MTFMT: variants seen among roughly 807,000 people sequenced by gnomAD.
The protein encoded by MTFMT is methionyl-tRNA formyltransferase, mitochondrial.
Under a neutral mutation model 51.8 loss-of-function variants are expected in MTFMT, and 47 were observed. That is an observed-to-expected ratio of 0.91 (90% confidence interval 0.72 to 1.16). The LOEUF (loss-of-function observed/expected upper bound fraction) is 1.16, where lower values mean the gene tolerates loss of function less well. Ranked by LOEUF, MTFMT falls within the 50% of genes most tolerant of loss-of-function variation. The probability of loss-of-function intolerance (pLI) is 0.00; values close to 1 mark genes in which losing one functional copy is unlikely to be tolerated. For missense variants in MTFMT, 512 were observed against 482.3 expected, an observed-to-expected ratio of 1.06 and a Z score of -0.58; for synonymous variants, 196 against 176.7, an observed-to-expected ratio of 1.11 and a Z score of -0.87.
chr15:65,018,649 T>C (rs550127025), intron 5 of MTFMT, among the ~76,000 whole-genome samples: 5 of 152,240 alleles, frequency 3.3e-5, no homozygotes, highest in Admixed American at 1.3e-4. Context: ...AGAGGACACA[T>C]AGGCGAGCCT....
chr15:65,028,277 G>A (rs952600710), intron 1 of MTFMT, among the ~76,000 whole-genome samples: 40 of 152,286 alleles, frequency 2.6e-4, no homozygotes, highest in Admixed American at 1.5e-3. Context: ...AAAATCAGGC[G>A]TGGTGGTGCA....
chr15:65,018,288 T>C (rs1163643529), intron 5 of MTFMT, among the ~76,000 whole-genome samples: 2 of 152,124 alleles, frequency 1.3e-5, no homozygotes, highest in Non-Finnish European at 2.9e-5. Context: ...TTAGGATATA[T>C]TCTAAGGATC....
rs1356065091 is a variant in MTFMT, at chr15:65,001,968, GT to G, written c.*1093del. ...AAATATTACCTACGTTTACTACTTG[GT>G]TAAATCTAGCTGGTAGTGAAATGTA... On this transcript the variant is annotated 3_prime_UTR_variant, in exon 9 of 9. Coordinates refer to ENST00000220058, the MANE Select transcript of MTFMT (RefSeq NM_139242.4). The G allele has an allele frequency of 1.3e-5, 2 of 152,102 alleles. No homozygotes were observed. The highest frequency in any genetic ancestry group is 3.8e-4 in the East Asian group (2 of 5,198). The allele number at this position is 152,102 out of a possible 1,614,324, so 9.4% of individuals were successfully genotyped here.
chr15:65,005,354 T>C (rs1434542981), intron 7 of MTFMT, among the ~76,000 whole-genome samples: 1 of 152,198 alleles, frequency 6.6e-6, no homozygotes, highest in Non-Finnish European at 1.5e-5. Context: ...ACCAGCTTCC[T>C]CTGTGGCTCA....
chr15:65,012,575 T>C (rs1044205591), intron 6 of MTFMT, among the ~76,000 whole-genome samples: 7 of 152,084 alleles, frequency 4.6e-5, no homozygotes, highest in African/African-American at 1.7e-4. Flanking sequence ...TTTGTAAATA[T>C]TTTTAGTAGA....
chr15:65,003,185 A>G lies in MTFMT; in HGVS notation c.1047T>C (p.Tyr349=). The G allele has an allele frequency of 2.5e-6, 4 of 1,613,728 alleles. No individual in the cohort carries two copies. Among genetic ancestry groups the G allele is most frequent in the Non-Finnish European group, 3.4e-6 (4 of 1,179,778 alleles). The change falls in exon 9 of 9, where the codon TAT becomes TAC. Residue 349 remains tyrosine, a synonymous_variant. Transcript: ENST00000220058. The stretch of plus-strand genomic sequence containing the variant: ...AATTTTTCTGGTACCAGGGGTGCAA[A>G]TATCCATTGTAGAAGTCAGTAGCTG... The part of the protein sequence containing the change: ...SLTATDFYNG[Y]LHPWYQKNSQ...
chr15:65,013,257 GTCTT>G (rs1325561369), intron 6 of MTFMT, among the ~76,000 whole-genome samples: 1 of 148,978 alleles, frequency 6.7e-6, no homozygotes, highest in Non-Finnish European at 1.5e-5. Context: ...GAAAGGCTTT[GTCTT>G]TCTTTTATTT....
At chr15:65,028,146 A>G (rs1015802143) in intron 1 of MTFMT, among the ~76,000 whole-genome samples, 3 of 152,206 alleles carry the variant, frequency 2.0e-5, no homozygotes, top group African/African-American at 7.2e-5. Flanking sequence ...TAGGCCAGGA[A>G]TGATGGCTCA....
In MTFMT at chr15:65,003,039, GT is replaced by G; in HGVS notation, c.*22del. 1 of 1,410,992 alleles carries G rather than the reference GT, an allele frequency of 7.1e-7. No individual in the cohort carries two copies. The highest frequency in any genetic ancestry group is 9.5e-7 in the Non-Finnish European group (1 of 1,054,100). The allele number at this position is 1,410,992 out of a possible 1,614,324, so 87.4% of individuals were successfully genotyped here. On this transcript the variant is annotated 3_prime_UTR_variant, in exon 9 of 9. Coordinates refer to ENST00000220058, the MANE Select transcript of MTFMT (RefSeq NM_139242.4). ...TTAATAAATTACAAATATGTAATAG[GT>G]TTTTATCCATCTTCTTCCTAACTAC... is the stretch of plus-strand genomic sequence containing the variant.
intron 1 of MTFMT, among the ~76,000 whole-genome samples, chr15:65,027,488 G>A (rs544690436): frequency 1.5e-4 from 23 of 152,108 alleles, no homozygotes; most frequent in African/African-American, 4.3e-4. Flanking sequence ...CGTGAACACC[G>A]TGCCCAGCCT....
intron 2 of MTFMT, 40 bp downstream of exon 2, chr15:65,026,791 C>A (rs2086428119): frequency 1.3e-6 from 2 of 1,503,470 alleles, no homozygotes; most frequent in Admixed American, 1.9e-5. Context: ...TTATAAAGAC[C>A]AAGGTTTCTA....
At chr15:65,023,921 CTA>C in intron 2 of MTFMT, 127 bp from the exon 3 acceptor site, 1 of 799,776 alleles carries the variant, frequency 1.3e-6, no homozygotes. Context: ...ACAGTTAAAT[CTA>C]AGTCTCGTAT....
rs144430494 is a variant in MTFMT, at chr15:65,029,334, T to C, written c.209+71A>G. On this transcript the variant is annotated intron_variant, in intron 1 of 8. Transcript: ENST00000220058. Reference sequence around the variant, plus strand: ...TTCCGCAACCAGAAGTCCAAAACCCTCGGGGCCGGCCGCCCGGGCGCGGCC... The same window carrying C: ...TTCCGCAACCAGAAGTCCAAAACCCCCGGGGCCGGCCGCCCGGGCGCGGCC... The C allele has an allele frequency of 1.0e-3, 1,390 of 1,345,348 alleles. 13 individuals are homozygous for C. In the African/African-American group the frequency reaches 0.02, roughly 19 times the overall value. The allele number at this position is 1,345,348 out of a possible 1,614,324, so 83.3% of individuals were successfully genotyped here.
rs1302482209 is a variant in MTFMT at position 65,029,450 on chromosome 15, G to A, written c.164C>T (p.Thr55Met). The change falls in exon 1 of 9, where the codon ACG (threonine) becomes ATG (methionine). Residue 55 changes from threonine (T) to methionine (M), a missense_variant. Thr to Met is a moderately conservative substitution (Grantham distance 81, BLOSUM62 -1). Coordinates refer to ENST00000220058, the MANE Select transcript of MTFMT (RefSeq NM_139242.4). ...KPPWRVLFFGTDQFAREALRA... is the reference protein window; with the variant it reads ...KPPWRVLFFGMDQFAREALRA... ...CAGCGCCTCGCGGGCGAACTGGTCC[G>A]TGCCGAAGAAGAGCACCCGCCAGGG... is the stretch of plus-strand genomic sequence containing the variant. The A allele has an allele frequency of 3.9e-6, 6 of 1,528,582 alleles. No homozygotes were observed. Among genetic ancestry groups the A allele is most frequent in the South Asian group, 1.2e-5 (1 of 81,798 alleles). The allele number at this position is 1,528,582 out of a possible 1,614,324, so 94.7% of individuals were successfully genotyped here. A position where few individuals can be genotyped will look rare whatever the true frequency, so the allele number is the denominator to read the frequency against.
At chr15:65,021,119 G>A (rs974377656) in intron 4 of MTFMT, among the ~76,000 whole-genome samples, 4 of 152,200 alleles carry the variant, frequency 2.6e-5, no homozygotes, top group African/African-American at 9.7e-5. Flanking sequence ...GAATTCTAGT[G>A]CAAATGACTG....
intron 1 of MTFMT, among the ~76,000 whole-genome samples, 162 bp from the exon 2 acceptor site, chr15:65,027,202 C>CTT (rs544080836): frequency 2.1e-5 from 3 of 144,002 alleles, no homozygotes; most frequent in African/African-American, 2.5e-5. Context: ...TTTTCTTTTT[C>CTT]TTTTTTTTTT....
At chr15:65,022,188 C>T (rs72746363) in intron 3 of MTFMT, among the ~76,000 whole-genome samples, 4 of 152,106 alleles carry the variant, frequency 2.6e-5, no homozygotes, top group Non-Finnish European at 5.9e-5. Context: ...TAGGGCCAGG[C>T]GTAGTGGCTC....
intron 5 of MTFMT, among the ~76,000 whole-genome samples, 178 bp downstream of exon 5, chr15:65,020,019 T>C (rs1423959034): frequency 6.6e-6 from 1 of 152,208 alleles, no homozygotes; most frequent in Non-Finnish European, 1.5e-5. Context: ...CAATCCTTCA[T>C]GAGGCTATAT....
At chr15:65,013,120 T>C (rs1444312855) in intron 6 of MTFMT, among the ~76,000 whole-genome samples, 1 of 152,166 alleles carries the variant, frequency 6.6e-6, no homozygotes, top group Non-Finnish European at 1.5e-5. Flanking sequence ...CTTCTTCCTT[T>C]CCAAACTTTT....
Sources: allele counts gnomAD v4.1 joint callset (sites outside exome capture counted in the v4.1 genomes callset), GRCh38; gene constraint gnomAD v4.1.1; transcripts MANE v1.5; gene names NCBI Gene and HGNC (gene_info 2026-07-23, HGNC 2026-07-21).